FOXO1: variants seen among roughly 807,000 people sequenced by gnomAD.
The protein encoded by FOXO1 is forkhead box protein O1.
A neutral mutation model predicts 44.1 loss-of-function variants in FOXO1; 6 were observed. That is an observed-to-expected ratio of 0.14 (90% CI 0.07 to 0.27). FOXO1 has a LOEUF of 0.27. FOXO1 is among the 10% of genes least tolerant of loss of function. The pLI is 1.00. For missense variants in FOXO1, 737 were observed against 888.8 expected, an observed-to-expected ratio of 0.83 and a Z score of 2.17; for synonymous variants, 380 against 362.7, an observed-to-expected ratio of 1.05 and a Z score of -0.54.
At chr13:40,636,922 A>G (rs1429518160) in intron 1 of FOXO1, among the ~76,000 whole-genome samples, 2 of 152,196 alleles carry the variant, frequency 1.3e-5, no homozygotes, top group African/African-American at 2.4e-5. Flanking sequence ...CCTGAATACT[A>G]TGCGCTAGGT....
intron 1 of FOXO1, among the ~76,000 whole-genome samples, chr13:40,581,558 T>C (rs1874957432): frequency 6.6e-6 from 1 of 152,216 alleles, no homozygotes; most frequent in Admixed American, 6.5e-5. Flanking sequence ...CTCATTAAGC[T>C]GTTATTAGGC....
intron 1 of FOXO1, among the ~76,000 whole-genome samples, chr13:40,615,086 T>C (rs185611139): frequency 6.6e-6 from 1 of 152,294 alleles, no homozygotes. Context: ...AAAATGCACA[T>C]TCATGCAGCA....
chr13:40,612,498 C>A (rs1258582438), intron 1 of FOXO1, among the ~76,000 whole-genome samples: 1 of 152,218 alleles, frequency 6.6e-6, no homozygotes, highest in Non-Finnish European at 1.5e-5. Flanking sequence ...CGTATACACA[C>A]ACGTGCGTTC....
intron 1 of FOXO1, among the ~76,000 whole-genome samples, chr13:40,593,223 T>TC (rs1367325109): frequency 1.3e-5 from 2 of 152,088 alleles, no homozygotes; most frequent in African/African-American, 4.8e-5. Flanking sequence ...AGACAGGGTC[T>TC]CCCTATGTTG....
At chr13:40,595,765 A>G (rs528700489) in intron 1 of FOXO1, among the ~76,000 whole-genome samples, 5 of 152,156 alleles carry the variant, frequency 3.3e-5, no homozygotes, top group Admixed American at 1.3e-4. Context: ...TGCTCTTCTG[A>G]GCATATCACC....
intron 1 of FOXO1, among the ~76,000 whole-genome samples, chr13:40,649,727 A>G (rs1230437614): frequency 6.6e-6 from 1 of 152,204 alleles, no homozygotes; most frequent in East Asian, 1.9e-4. Context: ...TCAGAAATTG[A>G]CTCACTTCAA....
chr13:40,612,042 G>C (rs965260751), intron 1 of FOXO1, among the ~76,000 whole-genome samples: 1 of 152,044 alleles, frequency 6.6e-6, no homozygotes, highest in African/African-American at 2.4e-5. Context: ...GCACTCCAGC[G>C]TGGGAGACAC....
chr13:40,567,154 A>C (rs892634540), intron 1 of FOXO1, among the ~76,000 whole-genome samples: 1 of 151,922 alleles, frequency 6.6e-6, no homozygotes, highest in Non-Finnish European at 1.5e-5. Flanking sequence ...ACGGGTCTCC[A>C]CACCACTGCT....
At chr13:40,638,298 C>A (rs1386625120) in intron 1 of FOXO1, among the ~76,000 whole-genome samples, 2 of 152,058 alleles carry the variant, frequency 1.3e-5, no homozygotes, top group Non-Finnish European at 2.9e-5. Flanking sequence ...TCTGGCATCA[C>A]CATCATCACC....
intron 1 of FOXO1, among the ~76,000 whole-genome samples, chr13:40,630,762 C>T (rs915364555): frequency 3.9e-5 from 6 of 151,962 alleles, no homozygotes; most frequent in African/African-American, 1.2e-4. Flanking sequence ...AGACTACAAG[C>T]TTTGCCAACA....
At position 40,559,556 on chromosome 13, in the gene FOXO1, G is replaced by C. The variant is rs1296581865; in HGVS notation, c.1935C>G (p.Val645=). 4.3e-6 allele frequency: 7 copies of C among 1,610,150 alleles called. No individual in the cohort carries two copies. The highest frequency in any genetic ancestry group is 5.9e-6 in the Non-Finnish European group (7 of 1,177,752). ...VLPNQSFPHS[V]KTTTHSWVSG The stretch of plus-strand genomic sequence containing the variant: ...ACACCCAGCTATGTGTCGTTGTCTT[G>C]ACACTGTGTGGGAAGCTTTGGTTGG... The change falls in exon 2 of 3, where the codon GTC becomes GTG. Residue 645 remains valine (V), a synonymous_variant. Transcript: ENST00000379561.
At chr13:40,577,889 A>G (rs1874819386) in intron 1 of FOXO1, among the ~76,000 whole-genome samples, 1 of 152,172 alleles carries the variant, frequency 6.6e-6, no homozygotes, top group Admixed American at 6.5e-5. Context: ...TTGCTTCCTT[A>G]GTTTCAGATA....
chr13:40,652,864 A>T (rs544007087), intron 1 of FOXO1, among the ~76,000 whole-genome samples: 122 of 152,244 alleles, frequency 8.0e-4, no homozygotes, highest in African/African-American at 2.9e-3. Flanking sequence ...TTATGTGGTT[A>T]TTTTGCTTTC....
intron 1 of FOXO1, among the ~76,000 whole-genome samples, chr13:40,568,151 C>A (rs921561534): frequency 6.6e-6 from 1 of 152,140 alleles, no homozygotes; most frequent in Non-Finnish European, 1.5e-5. Flanking sequence ...AACTGCCCAC[C>A]ACCCTGCGTG....
rs750150806 is a variant in FOXO1 at position 40,559,710 on chromosome 13, T to C, written c.1781A>G (p.His594Arg). ...CAAGTCACTTGGGAGCTTCTCCTGG[T>C]GGAGAAGGCCCATTCTGCCATAGCC... Reference protein sequence around the residue: ...CNGYGRMGLLHQEKLPSDLDG... With the variant: ...CNGYGRMGLLRQEKLPSDLDG... The change falls in exon 2 of 3, where the codon CAC becomes CGC. Residue 594 changes from histidine to arginine, a missense_variant. His to Arg is a conservative substitution (Grantham distance 29). Around this residue, in one of 7 missense-constraint regions of FOXO1, gnomAD observed 283 missense variants for 278.1 expected, o/e 1.02. Transcript: ENST00000379561. 15 of 1,613,950 alleles carry C rather than the reference T, an allele frequency of 9.3e-6. No individual in the cohort carries two copies. Among genetic ancestry groups the C allele is most frequent in the Non-Finnish European group, 1.3e-5 (15 of 1,179,818 alleles).
chr13:40,634,874 C>T (rs1448443343), intron 1 of FOXO1, among the ~76,000 whole-genome samples: 1 of 152,092 alleles, frequency 6.6e-6, no homozygotes, highest in Non-Finnish European at 1.5e-5. Flanking sequence ...GATAGGGTTT[C>T]ACCATGTTGG....
chr13:40,614,505 A>C (rs1454904292), intron 1 of FOXO1, among the ~76,000 whole-genome samples: 1 of 152,316 alleles, frequency 6.6e-6, no homozygotes, highest in Non-Finnish European at 1.5e-5. Context: ...TTTTGTAAAG[A>C]GGAAAACTAA....
intron 1 of FOXO1, among the ~76,000 whole-genome samples, chr13:40,627,507 C>T (rs549315501): frequency 1.3e-5 from 2 of 152,244 alleles, no homozygotes; most frequent in South Asian, 2.1e-4. Context: ...ACTGACAAAA[C>T]TGGAACATGA....
intron 1 of FOXO1, among the ~76,000 whole-genome samples, chr13:40,646,112 T>C (rs1166382260): frequency 2.0e-5 from 3 of 150,902 alleles, no homozygotes; most frequent in East Asian, 1.9e-4. Flanking sequence ...TAGTGAATAA[T>C]TGAGAACAGA....
Sources: gnomAD v4.1 joint callset for allele counts (sites outside exome capture counted in the v4.1 genomes callset) on GRCh38, gnomAD v4.1.1 for gene constraint, gnomAD v4.1.1 regional missense constraint, MANE v1.5 for transcripts, NCBI Gene and HGNC (gene_info 2026-07-23, HGNC 2026-07-21) for gene names.